The following CPNE4 variants were observed in gnomAD, a reference collection of about 807,000 sequenced individuals.
CPNE4 encodes copine 4.
CPNE4 carries 25 observed loss-of-function variants against 67.9 expected under a neutral mutation model. The ratio of observed to expected loss-of-function variants is 0.37; its 90% CI spans 0.27 to 0.51. CPNE4 has a LOEUF of 0.51. CPNE4 is among the 20% of genes least tolerant of loss of function. CPNE4 has a pLI of 0.93. For synonymous variants in CPNE4, 242 were observed against 244.9 expected, an observed-to-expected ratio of 0.99 and a Z score of 0.11; for missense variants, 464 against 690.8, an observed-to-expected ratio of 0.67 and a Z score of 3.68.
intron 7 of CPNE4, among the ~76,000 whole-genome samples, chr3:131,609,225 C>T (rs1939680371): frequency 6.6e-6 from 1 of 152,196 alleles, no homozygotes. Flanking sequence ...TTATTCCCAA[C>T]AGCTAACAAG....
upstream of CPNE4, chr3:132,037,739 G>A (rs765381196): frequency 1.5e-5 from 11 of 717,146 alleles, no homozygotes; most frequent in African/African-American, 7.0e-5. Flanking sequence ...GGAGGCATCC[G>A]CTCAGTGTCT....
intron 10 of CPNE4, among the ~76,000 whole-genome samples, chr3:131,568,788 C>T (rs1363378152): frequency 1.3e-5 from 2 of 152,020 alleles, no homozygotes; most frequent in Non-Finnish European, 1.5e-5. Context: ...TTACATGAAA[C>T]AACCCCACTC....
intron 1 of CPNE4, among the ~76,000 whole-genome samples, chr3:131,969,226 G>A (rs969519445): frequency 6.6e-6 from 1 of 152,010 alleles, no homozygotes; most frequent in African/African-American, 2.4e-5. Flanking sequence ...GGCAAGGGGA[G>A]GGAGAGCATT....
chr3:131,588,109 T>A (rs1290870983), intron 7 of CPNE4, among the ~76,000 whole-genome samples: 1 of 152,188 alleles, frequency 6.6e-6, no homozygotes, highest in African/African-American at 2.4e-5. Flanking sequence ...CAACAAAAAT[T>A]ATTAGGAAGG....
intron 7 of CPNE4, among the ~76,000 whole-genome samples, chr3:131,624,509 A>ATTT (rs145857200): frequency 1.4e-5 from 2 of 148,128 alleles, no homozygotes; most frequent in Non-Finnish European, 3.0e-5. Flanking sequence ...CAATTTAACC[A>ATTT]TTTTTTTTTT....
intron 2 of CPNE4, among the ~76,000 whole-genome samples, chr3:131,904,209 T>A (rs181375035): frequency 6.6e-6 from 1 of 152,276 alleles, no homozygotes; most frequent in African/African-American, 2.4e-5. Flanking sequence ...GTGGTTTTGC[T>A]ACCTTCCAAA....
intron 14 of CPNE4, among the ~76,000 whole-genome samples, chr3:131,548,142 A>T (rs1216151524): frequency 6.6e-6 from 1 of 152,142 alleles, no homozygotes; most frequent in Non-Finnish European, 1.5e-5. Flanking sequence ...AGAGACTTCA[A>T]ATTATAATGA....
At chr3:131,864,636 G>A (rs201708011) in intron 2 of CPNE4, among the ~76,000 whole-genome samples, 10,492 of 150,264 alleles carry the variant, frequency 0.07, 495 homozygotes, top group East Asian at 0.15. Flanking sequence ...TAGATATACA[G>A]TCATGCCATC....
intron 1 of CPNE4, among the ~76,000 whole-genome samples, chr3:131,914,704 C>T (rs553516933): frequency 2.6e-5 from 4 of 152,274 alleles, no homozygotes; most frequent in Admixed American, 6.5e-5. Context: ...CGGGTGGGCA[C>T]GGTGGCTCAC....
chr3:132,005,356 C>T (rs879285522), intron 1 of CPNE4, among the ~76,000 whole-genome samples: 45,399 of 76,958 alleles, frequency 0.59, 12,720 homozygotes, highest in South Asian at 0.68. Flanking sequence ...CACACACACA[C>T]ACACACACAC....
chr3:131,721,079 C>G (rs1284916564), intron 3 of CPNE4, among the ~76,000 whole-genome samples: 1 of 152,196 alleles, frequency 6.6e-6, no homozygotes, highest in Non-Finnish European at 1.5e-5. Context: ...TTCTGTACTT[C>G]TCTGTAACAA....
At chr3:131,780,793 C>T (rs963302073) in intron 2 of CPNE4, among the ~76,000 whole-genome samples, 1 of 151,878 alleles carries the variant, frequency 6.6e-6, no homozygotes, top group Non-Finnish European at 1.5e-5. Flanking sequence ...ATGTGATTTA[C>T]CCATGTAACA....
chr3:131,717,830 C>A (rs1447864458), intron 3 of CPNE4, among the ~76,000 whole-genome samples: 1 of 124,916 alleles, frequency 8.0e-6, no homozygotes, highest in Non-Finnish European at 1.7e-5. Context: ...AGTGATCTTT[C>A]TTCCTTCCTT....
At chr3:131,607,808 A>G (rs559482562) in intron 7 of CPNE4, among the ~76,000 whole-genome samples, 1 of 152,284 alleles carries the variant, frequency 6.6e-6, no homozygotes, top group South Asian at 2.1e-4. Flanking sequence ...GCTATTGCAG[A>G]AACTCTGAGA....
chr3:131,851,364 T>C (rs1234436658), intron 2 of CPNE4, among the ~76,000 whole-genome samples: 1 of 152,066 alleles, frequency 6.6e-6, no homozygotes, highest in Non-Finnish European at 1.5e-5. Flanking sequence ...GAATATTCTA[T>C]GAGCTTAGCA....
intron 10 of CPNE4, among the ~76,000 whole-genome samples, chr3:131,572,259 GTT>G (rs748207789): frequency 8.6e-5 from 13 of 152,042 alleles, no homozygotes; most frequent in Admixed American, 2.0e-4. Context: ...GATTGAGGAA[GTT>G]TAATAAAGGG....
At chr3:131,831,023 C>A (rs73203817) in intron 2 of CPNE4, among the ~76,000 whole-genome samples, 2 of 151,640 alleles carry the variant, frequency 1.3e-5, no homozygotes, top group South Asian at 2.1e-4. Context: ...TGAATTTTAC[C>A]TGTAGGACTC....
intron 6 of CPNE4, among the ~76,000 whole-genome samples, chr3:131,682,211 G>C (rs12497739): frequency 0.14 from 21,501 of 151,858 alleles, 3,025 homozygotes; most frequent in East Asian, 0.63. Context: ...CAGTATATCT[G>C]GATATTGAAG....
chr3:131,848,192 A>G (rs1158515998), intron 2 of CPNE4, among the ~76,000 whole-genome samples: 1 of 152,074 alleles, frequency 6.6e-6, no homozygotes, highest in African/African-American at 2.4e-5. Context: ...CTACACATTC[A>G]CTTTCTGCTA....
Sources: gnomAD v4.1 joint callset for allele counts (sites outside exome capture counted in the v4.1 genomes callset) on GRCh38, gnomAD v4.1.1 for gene constraint, MANE v1.5 for transcripts, NCBI Gene and HGNC (gene_info 2026-07-23, HGNC 2026-07-21) for gene names.